Variants in WDR48 observed in about 807,000 individuals in gnomAD.
The protein encoded by WDR48 is WD repeat domain 48.
Under a neutral mutation model 94.0 loss-of-function variants are expected in WDR48, and 22 were observed. The observed-to-expected ratio is 0.23, with a 90% CI of 0.17 to 0.33. The LOEUF (loss-of-function observed/expected upper bound fraction) is 0.33, where lower values mean the gene tolerates loss of function less well. WDR48 is among the 10% of genes least tolerant of loss of function. The pLI, the probability that WDR48 is intolerant of heterozygous loss-of-function variation, is 1.00. For missense variants in WDR48, 541 were observed against 813.8 expected, an observed-to-expected ratio of 0.66 and a Z score of 4.08; for synonymous variants, 278 against 280.5, an observed-to-expected ratio of 0.99 and a Z score of 0.09.
At chr3:39,052,459 C>G (rs1049559475) in intron 1 of WDR48, 7 of 196,758 alleles carry the variant, frequency 3.6e-5, no homozygotes, top group African/African-American at 1.4e-4. Context: ...AGGGGTTTCC[C>G]AGGGGGGTGG....
Position 39,095,446 on chromosome 3 carries a change from C to T in WDR48, c.*703C>T, listed in dbSNP as rs1367352467. ...CCCATGCCTAGCGATGCTGCACCTC[C>T]CATGATGTCCTGGCTTTGTGGCAAC... is the stretch of plus-strand genomic sequence containing the variant. On this transcript the variant is annotated 3_prime_UTR_variant, in exon 19 of 19. Transcript: ENST00000302313. 2.6e-5 allele frequency: 4 copies of T among 152,240 alleles called. No individual in the cohort carries two copies. Among genetic ancestry groups the T allele is most frequent in the South Asian group, 4.1e-4 (2 of 4,832 alleles). The allele number at this position is 152,240 out of a possible 1,614,324, so 9.4% of individuals were successfully genotyped here. A position where few individuals can be genotyped will look rare whatever the true frequency, so the allele number is the denominator to read the frequency against.
At chr3:39,079,451 C>T (rs1005673162) in intron 10 of WDR48, among the ~76,000 whole-genome samples, 8 of 152,212 alleles carry the variant, frequency 5.3e-5, no homozygotes, top group African/African-American at 2.4e-5. Flanking sequence ...CTAGTACCCC[C>T]TTGACATGAA....
chr3:39,066,474 C>A, intron 3 of WDR48, 74 bp from the exon 4 acceptor site: 1 of 1,232,170 alleles, frequency 8.1e-7, no homozygotes, highest in Non-Finnish European at 1.2e-6. Context: ...AATAATGTTA[C>A]ATTGTTGTAA....
intron 1 of WDR48, among the ~76,000 whole-genome samples, chr3:39,057,378 T>G (rs2125633360): frequency 6.6e-6 from 1 of 152,348 alleles, no homozygotes; most frequent in South Asian, 2.1e-4. Context: ...TTAGTTACCT[T>G]TAGGGATGAA....
intron 16 of WDR48, chr3:39,090,057 A>G (rs1030878550): frequency 4.6e-5 from 7 of 152,248 alleles, no homozygotes; most frequent in African/African-American, 1.7e-4. Flanking sequence ...TTTGATAGAT[A>G]CTGCCAAATT....
At chr3:39,093,813 A>G (rs2035208440) in intron 17 of WDR48, 61 bp from the exon 18 acceptor site, 2 of 1,381,988 alleles carry the variant, frequency 1.4e-6, no homozygotes, top group Non-Finnish European at 1.9e-6. Context: ...GAAAAATAAT[A>G]TGGAATAAAT....
chr3:39,077,264 C>T, intron 9 of WDR48, 51 bp downstream of exon 9: 1 of 1,603,070 alleles, frequency 6.2e-7, no homozygotes, highest in Non-Finnish European at 8.5e-7. Context: ...ATTTTGTTAT[C>T]ACAGACCTGT....
intron 1 of WDR48, among the ~76,000 whole-genome samples, chr3:39,056,419 GA>G (rs1326313691): frequency 1.3e-5 from 2 of 152,180 alleles, no homozygotes; most frequent in African/African-American, 4.8e-5. Flanking sequence ...AAATTTCCCG[GA>G]GCTTAAGTGC....
intron 11 of WDR48, among the ~76,000 whole-genome samples, chr3:39,082,363 C>T (rs1291794527): frequency 1.3e-5 from 2 of 151,814 alleles, no homozygotes; most frequent in African/African-American, 4.8e-5. Context: ...CTCACTGCAA[C>T]CTCTGACTCC....
chr3:39,089,208 A>G, intron 15 of WDR48, 23 bp from the exon 16 acceptor site: 2 of 1,604,944 alleles, frequency 1.2e-6, no homozygotes, highest in Non-Finnish European at 1.7e-6. Flanking sequence ...TGGGTTACTT[A>G]CTACTTGATG....
intron 2 of WDR48, among the ~76,000 whole-genome samples, chr3:39,063,428 G>A (rs1000401594): frequency 1.4e-4 from 22 of 152,170 alleles, no homozygotes; most frequent in African/African-American, 5.1e-4. Flanking sequence ...GCCTTACAGA[G>A]TTCTTTGCCA....
At chr3:39,057,271 C>G (rs1011441926) in intron 1 of WDR48, among the ~76,000 whole-genome samples, 1 of 152,146 alleles carries the variant, frequency 6.6e-6, no homozygotes, top group East Asian at 1.9e-4. Context: ...ATGAGTAAAT[C>G]GATAATGTCT....
At chr3:39,086,137 T>C (rs2034798225) in intron 14 of WDR48, among the ~76,000 whole-genome samples, 1 of 152,230 alleles carries the variant, frequency 6.6e-6, no homozygotes, top group Non-Finnish European at 1.5e-5. Context: ...AAAGAATTAA[T>C]GTCACTGAGG....
chr3:39,086,687 G>C (rs992779696), intron 14 of WDR48, among the ~76,000 whole-genome samples: 6 of 152,216 alleles, frequency 3.9e-5, no homozygotes, highest in African/African-American at 1.4e-4. Flanking sequence ...TAACAGCTAT[G>C]TTGCTGTGGG....
intron 1 of WDR48, among the ~76,000 whole-genome samples, chr3:39,054,097 A>C (rs577080429): frequency 6.6e-6 from 1 of 152,366 alleles, no homozygotes; most frequent in East Asian, 1.9e-4. Context: ...CTGAGAAGCC[A>C]CAGGGATTGA....
rs370929878 is a variant in WDR48 at position 39,077,092 on chromosome 3, G to A, written c.898-47G>A. Reference sequence around the variant, plus strand: ...TAACATATCTAGTCCTGGCAGTTCAGAAGAGTTGACATTCCACAAAGCAAT... The same window carrying A: ...TAACATATCTAGTCCTGGCAGTTCAAAAGAGTTGACATTCCACAAAGCAAT... On this transcript the variant is annotated intron_variant, in intron 8 of 18. Coordinates refer to ENST00000302313, the MANE Select transcript of WDR48 (RefSeq NM_020839.4). 4.5e-4 allele frequency: 728 copies of A among 1,605,630 alleles called. 5 individuals are homozygous for A. The highest frequency in any genetic ancestry group is 1.6e-4 in the Middle Eastern group (1 of 6,066).
intron 6 of WDR48, 137 bp downstream of exon 6, chr3:39,068,996 C>G (rs2033777369): frequency 1.6e-6 from 1 of 637,308 alleles, no homozygotes; most frequent in South Asian, 2.7e-5. Flanking sequence ...CTCTGTCACC[C>G]AGGTTGGGGT....
chr3:39,075,190 CTTTTT>C lies in WDR48; in HGVS notation c.897+258_897+262del, dbSNP rs11353487. On this transcript the variant is annotated intron_variant, in intron 8 of 18. Transcript: ENST00000302313. ...AGTTCTGGGGCACTTTTGTGTTTTG[CTTTTT>C]TTTTTTTTTTTTTTTTTAACAGTTT... Among the ~76,000 whole-genome samples, 56 of 110,476 alleles carry C rather than the reference CTTTTT, an allele frequency of 5.1e-4. No individual in the cohort carries two copies. In the East Asian group the frequency reaches 0.014, roughly 28 times the overall value. The allele number at this position is 110,476 out of a possible 152,430, so 72.5% of individuals were successfully genotyped here. A position where few individuals can be genotyped will look rare whatever the true frequency, so the allele number is the denominator to read the frequency against.
intron 14 of WDR48, among the ~76,000 whole-genome samples, chr3:39,086,890 A>G (rs1559624333): frequency 6.6e-6 from 1 of 152,158 alleles, no homozygotes. Context: ...GGGCATGGCT[A>G]CTTCCTCATC....
Sources: gnomAD v4.1 joint callset for allele counts (sites outside exome capture counted in the v4.1 genomes callset) on GRCh38, gnomAD v4.1.1 for gene constraint, MANE v1.5 for transcripts, NCBI Gene and HGNC (gene_info 2026-07-23, HGNC 2026-07-21) for gene names.